ZNF506: variants seen among roughly 807,000 people sequenced by gnomAD.
ZNF506 encodes the protein zinc finger protein 506.
Under a neutral mutation model 11.6 loss-of-function variants are expected in ZNF506, and 10 were observed. That is an observed-to-expected ratio of 0.86 (90% CI 0.53 to 1.46). The LOEUF is 1.46. ZNF506 is among the 40% of genes most tolerant of loss of function. The pLI, the probability that ZNF506 is intolerant of heterozygous loss-of-function variation, is 0.00. For synonymous variants in ZNF506, 156 were observed against 173.3 expected (o/e 0.90, Z 0.78); for missense variants, 425 against 521.2 (o/e 0.82, Z 1.80).
At chr19:19,800,424 TA>T (rs1169001124) in intron 3 of ZNF506, among the ~76,000 whole-genome samples, 2 of 113,036 alleles carry the variant, frequency 1.8e-5, no homozygotes, top group African/African-American at 2.9e-5. Flanking sequence ...TTATATATAT[TA>T]TTTTTTTTCG....
chr19:19,817,615 G>C (rs1055802700), intron 1 of ZNF506, among the ~76,000 whole-genome samples: 2 of 152,064 alleles, frequency 1.3e-5, no homozygotes, highest in Non-Finnish European at 2.9e-5. Flanking sequence ...GGGGTGAGCA[G>C]GCTGAGACAG....
intron 1 of ZNF506, 70 bp downstream of exon 1, chr19:19,821,531 C>T: frequency 6.2e-7 from 1 of 1,609,198 alleles, no homozygotes; most frequent in East Asian, 2.2e-5. Flanking sequence ...CTGCCACAGC[C>T]ACAGCCACTT....
chr19:19,799,270 A>C, intron 3 of ZNF506: 1 of 404,546 alleles, frequency 2.5e-6, no homozygotes, highest in Non-Finnish European at 4.4e-6. Context: ...ATAGTAGGAT[A>C]TTTCAATACC....
At position 19,795,552 on chromosome 19, in the gene ZNF506, T is replaced by C. The variant is rs2062733691; in HGVS notation, c.335A>G (p.Gln112Arg). 1.9e-6 allele frequency: 3 copies of C among 1,597,850 alleles called. No individual in the cohort carries two copies. Among genetic ancestry groups the C allele is most frequent in the East Asian group, 4.5e-5 (2 of 44,754 alleles). The stretch of plus-strand genomic sequence containing the variant: ...TACACTTTCACAGCCTTTTTTTAAC[T>C]GTAAATTGTCATGTCTACATTTTTC... ...RYEKCRHDNL[Q>R]LKKGCESVDE... is the part of the protein sequence containing the mutation. The change falls in exon 4 of 4, where the codon CAG becomes CGG. Residue 112 changes from glutamine (Q) to arginine (R), a missense_variant. Physicochemically the swap from Gln to Arg is conservative, Grantham distance 43 (BLOSUM62 1). Coordinates refer to ENST00000540806, the MANE Select transcript of ZNF506 (RefSeq NM_001099269.3).
intron 1 of ZNF506, among the ~76,000 whole-genome samples, chr19:19,818,510 A>ACT (rs2062949308): frequency 6.6e-6 from 1 of 152,220 alleles, no homozygotes; most frequent in Admixed American, 6.5e-5. Flanking sequence ...AAGGCTTAGA[A>ACT]TTCTGTTTGA....
intron 1 of ZNF506, among the ~76,000 whole-genome samples, chr19:19,819,665 C>A (rs137956851): frequency 6.6e-6 from 1 of 152,236 alleles, no homozygotes; most frequent in East Asian, 1.9e-4. Flanking sequence ...TCGGTAAGTT[C>A]TCTGGAAAAA....
At chr19:19,808,532 C>G (rs2062855946) in intron 1 of ZNF506, among the ~76,000 whole-genome samples, 1 of 151,588 alleles carries the variant, frequency 6.6e-6, no homozygotes, top group African/African-American at 2.4e-5. Context: ...AAATTATAGT[C>G]TGAATTTAAC....
intron 3 of ZNF506, among the ~76,000 whole-genome samples, chr19:19,801,676 A>G (rs936119719): frequency 6.6e-6 from 1 of 151,688 alleles, no homozygotes; most frequent in Non-Finnish European, 1.5e-5. Context: ...TTGTAGTCCC[A>G]GCTACTCGGG....
intron 1 of ZNF506, among the ~76,000 whole-genome samples, chr19:19,813,254 TA>T (rs2062897271): frequency 6.6e-6 from 1 of 152,196 alleles, no homozygotes. Context: ...ATATCTACTA[TA>T]ACAATTTGGT....
intron 3 of ZNF506, chr19:19,798,492 CA>C (rs11329595): frequency 0.29 from 40,630 of 139,438 alleles, 7,088 homozygotes; most frequent in African/African-American, 0.51. Context: ...ATTAAAAATA[CA>C]AAAAAAAAAA....
intron 3 of ZNF506, among the ~76,000 whole-genome samples, chr19:19,803,198 C>CT (rs1255176602): frequency 6.6e-6 from 1 of 152,220 alleles, no homozygotes; most frequent in Non-Finnish European, 1.5e-5. Flanking sequence ...AACTTACTCT[C>CT]TAACTATCCG....
chr19:19,807,108 T>C (rs2062841734), intron 1 of ZNF506, 40 bp from the exon 2 acceptor site: 6 of 1,609,606 alleles, frequency 3.7e-6, no homozygotes, highest in Middle Eastern at 1.6e-4. Flanking sequence ...CAAGTGGCCA[T>C]GGGTGGAATT....
chr19:19,803,152 T>C (rs1425229303), intron 3 of ZNF506, among the ~76,000 whole-genome samples: 1 of 152,232 alleles, frequency 6.6e-6, no homozygotes, highest in East Asian at 1.9e-4. Flanking sequence ...CAGACCAGGA[T>C]AGGGTTCACC....
At chr19:19,814,345 T>C (rs1035600649) in intron 1 of ZNF506, among the ~76,000 whole-genome samples, 1 of 148,572 alleles carries the variant, frequency 6.7e-6, no homozygotes, top group Non-Finnish European at 1.5e-5. Context: ...GAGGTGGAGG[T>C]TGCAGTGAGC....
chr19:19,799,383 A>G (rs2062771745), intron 3 of ZNF506: 14 of 607,822 alleles, frequency 2.3e-5, no homozygotes, highest in Non-Finnish European at 3.2e-5. Flanking sequence ...TATAGAGAAC[A>G]CTCCTCAACA....
intron 3 of ZNF506, chr19:19,796,077 T>C (rs1305704486): frequency 4.7e-6 from 1 of 213,452 alleles, no homozygotes; most frequent in African/African-American, 2.3e-5. Context: ...AGGTCAACAG[T>C]TCAAGACCAG....
intron 3 of ZNF506, chr19:19,797,438 A>G (rs903625993): frequency 2.1e-5 from 3 of 140,444 alleles, no homozygotes; most frequent in South Asian, 2.1e-4. Context: ...CGTCTCAGGA[A>G]AAAAAAAAAA....
Position 19,801,703 on chromosome 19 carries a change from AT to A in ZNF506, c.226+4327del, listed in dbSNP as rs1237154656. 2.5e-3 allele frequency among the ~76,000 whole-genome samples: 376 copies of A among 151,406 alleles called. 2 individuals carry two copies. The highest frequency in any genetic ancestry group is 8.7e-3 in the African/African-American group (357 of 40,978). ...CTACTCGGGAGGCTGTGGCAGAAGA[AT>A]CTCTTGTACCCAGGAGGCGGAGGTT... On this transcript the variant is annotated intron_variant, in intron 3 of 3. Transcript: ENST00000540806.
Position 19,821,668 on chromosome 19 carries a change from G to A in ZNF506, c.-65C>T. On this transcript the variant is annotated 5_prime_UTR_variant, in exon 1 of 4. Transcript: ENST00000540806. ...CCTCCTAATACCTGCAGGTCACAGG[G>A]CCACAGAGGCTGGGCCTCTAGGAGC... 3.1e-6 allele frequency: 5 copies of A among 1,601,042 alleles called. No homozygotes were observed. The highest frequency in any genetic ancestry group is 1.1e-5 in the South Asian group (1 of 90,858).
Sources: gnomAD v4.1 joint callset for allele counts (sites outside exome capture counted in the v4.1 genomes callset) on GRCh38, gnomAD v4.1.1 for gene constraint, MANE v1.5 for transcripts, NCBI Gene and HGNC (gene_info 2026-07-23, HGNC 2026-07-21) for gene names.